The following KCNH8 variants were observed in gnomAD, a reference collection of about 807,000 sequenced individuals.
The protein encoded by KCNH8 is potassium voltage-gated channel subfamily H member 8.
Under a neutral mutation model 103.6 loss-of-function variants are expected in KCNH8, and 70 were observed. The observed-to-expected ratio is 0.68, with a 90% CI of 0.56 to 0.82. The LOEUF (loss-of-function observed/expected upper bound fraction) is 0.82, where lower values mean the gene tolerates loss of function less well. KCNH8 is among the 40% of genes least tolerant of loss of function. The probability of loss-of-function intolerance (pLI) is 0.00; values close to 1 mark genes in which losing one functional copy is unlikely to be tolerated. For synonymous variants in KCNH8, 498 were observed against 489.4 expected, an observed-to-expected ratio of 1.02 and a Z score of -0.23; for missense variants, 1,217 against 1,329.9, an observed-to-expected ratio of 0.92 and a Z score of 1.32.
At chr3:19,307,604 G>A (rs759635564) in intron 3 of KCNH8, among the ~76,000 whole-genome samples, 22 of 152,008 alleles carry the variant, frequency 1.4e-4, no homozygotes, top group African/African-American at 3.6e-4. Flanking sequence ...GTTTATTGCC[G>A]TAGTATTCAT....
rs6794674 is a variant in KCNH8, at chr3:19,489,939, G to A, written c.2041-20424G>A. On this transcript the variant is annotated intron_variant, in intron 11 of 15. Coordinates refer to ENST00000328405, the MANE Select transcript of KCNH8 (RefSeq NM_144633.3). Reference sequence around the variant, plus strand: ...GCCATGCTTCCACTCAAATGGAGTGGGCAAGTTCCAAAGACCAGTCTTACC... The same window carrying A: ...GCCATGCTTCCACTCAAATGGAGTGAGCAAGTTCCAAAGACCAGTCTTACC... Among the ~76,000 whole-genome samples, 279 of 152,300 alleles carry A rather than the reference G, an allele frequency of 1.8e-3. 1 individual carries two copies. The highest frequency in any genetic ancestry group is 6.5e-3 in the African/African-American group (271 of 41,570).
rs141877942 is a variant in KCNH8, at chr3:19,410,235, G to C, written c.1177+14924G>C. On this transcript the variant is annotated intron_variant, in intron 7 of 15. Coordinates refer to ENST00000328405, the MANE Select transcript of KCNH8 (RefSeq NM_144633.3). ...GGAATACAATAGAAATCAATACAAGGAGGCCTCTCAAAAACCACACAATTA... is the reference window on the plus strand; with the variant it reads ...GGAATACAATAGAAATCAATACAAGCAGGCCTCTCAAAAACCACACAATTA... Among the ~76,000 whole-genome samples, 36 of 152,014 alleles carry C rather than the reference G, an allele frequency of 2.4e-4. 1 individual carries two copies. The East Asian group carries it at 6.2e-3, about 26-fold the overall frequency.
In KCNH8 at chr3:19,247,350, A is replaced by G. The variant is rs546450790; in HGVS notation, c.77-6304A>G. 8.0e-4 allele frequency among the ~76,000 whole-genome samples: 122 copies of G among 152,340 alleles called. 1 individual carries two copies. Among genetic ancestry groups the G allele is most frequent in the African/African-American group, 2.7e-3 (114 of 41,580 alleles). On this transcript the variant is annotated intron_variant, in intron 1 of 15. Coordinates refer to ENST00000328405, the MANE Select transcript of KCNH8 (RefSeq NM_144633.3). ...CAGTTAAGCTCCCTGAAATCAATAT[A>G]AAGTGCAAAGATCATTTAAATATTT...
chr3:19,187,411 A>G (rs1464077562), intron 1 of KCNH8, among the ~76,000 whole-genome samples: 3 of 152,062 alleles, frequency 2.0e-5, no homozygotes, highest in Non-Finnish European at 4.4e-5. Context: ...AACGGAGCCT[A>G]TGCTAAAACA....
chr3:19,473,265 TTTTC>T (rs1335514549), intron 11 of KCNH8, among the ~76,000 whole-genome samples: 5 of 152,230 alleles, frequency 3.3e-5, no homozygotes, highest in Admixed American at 6.5e-5. Flanking sequence ...TTCAGTTTAA[TTTTC>T]TTTAACTTAA....
chr3:19,260,189 A>G (rs1271211739), intron 2 of KCNH8, among the ~76,000 whole-genome samples: 1 of 151,654 alleles, frequency 6.6e-6, no homozygotes, highest in African/African-American at 2.4e-5. Flanking sequence ...TAATATGTAC[A>G]TATTCAAATG....
chr3:19,299,843 G>C (rs1043399248), intron 3 of KCNH8, among the ~76,000 whole-genome samples: 1 of 151,766 alleles, frequency 6.6e-6, no homozygotes, highest in Non-Finnish European at 1.5e-5. Flanking sequence ...ATTTTAATAT[G>C]TATTAGAAAA....
chr3:19,160,065 G>T (rs942175025), intron 1 of KCNH8, among the ~76,000 whole-genome samples: 1 of 152,048 alleles, frequency 6.6e-6, no homozygotes, highest in Non-Finnish European at 1.5e-5. Flanking sequence ...ATGATGCATA[G>T]ATAACTGGGA....
At chr3:19,508,837 A>G (rs1280767814) in intron 11 of KCNH8, among the ~76,000 whole-genome samples, 2 of 152,202 alleles carry the variant, frequency 1.3e-5, no homozygotes, top group Non-Finnish European at 2.9e-5. Context: ...GGATTCAGCA[A>G]CTTGACAGAA....
intron 2 of KCNH8, among the ~76,000 whole-genome samples, chr3:19,277,164 T>A (rs891782835): frequency 2.0e-5 from 3 of 152,090 alleles, no homozygotes. Flanking sequence ...CTTATGAAGA[T>A]AGAGGGTAGA....
intron 15 of KCNH8, among the ~76,000 whole-genome samples, chr3:19,519,268 A>G (rs111534196): frequency 2.6e-5 from 4 of 152,056 alleles, no homozygotes; most frequent in African/African-American, 9.6e-5. Context: ...CTTTTCTAGG[A>G]GTAAAGTCTT....
chr3:19,525,186 A>T (rs1214531210), intron 15 of KCNH8, among the ~76,000 whole-genome samples: 1 of 151,890 alleles, frequency 6.6e-6, no homozygotes, highest in Non-Finnish European at 1.5e-5. Flanking sequence ...ATATAACATA[A>T]ATATATATTA....
At chr3:19,353,113 C>G (rs2065827892) in intron 5 of KCNH8, among the ~76,000 whole-genome samples, 1 of 152,086 alleles carries the variant, frequency 6.6e-6, no homozygotes, top group Non-Finnish European at 1.5e-5. Flanking sequence ...CACCTGTACT[C>G]AAATAAACTA....
chr3:19,294,501 T>C (rs1169393448), intron 3 of KCNH8, among the ~76,000 whole-genome samples: 1 of 152,180 alleles, frequency 6.6e-6, no homozygotes, highest in African/African-American at 2.4e-5. Flanking sequence ...GGAAATAGAT[T>C]TCTGCTTCAG....
intron 1 of KCNH8, among the ~76,000 whole-genome samples, chr3:19,213,302 T>C (rs1178203209): frequency 1.3e-5 from 2 of 152,186 alleles, no homozygotes; most frequent in African/African-American, 4.8e-5. Flanking sequence ...ACTTGTCCCC[T>C]TTTCCATCCA....
intron 5 of KCNH8, among the ~76,000 whole-genome samples, chr3:19,384,543 G>T (rs2066330933): frequency 6.6e-6 from 1 of 151,952 alleles, no homozygotes; most frequent in African/African-American, 2.4e-5. Context: ...GTAATAAAAG[G>T]GTTTTTTTAA....
chr3:19,518,564 A>G (rs999611715), intron 15 of KCNH8, among the ~76,000 whole-genome samples: 2 of 151,982 alleles, frequency 1.3e-5, no homozygotes, highest in South Asian at 2.1e-4. Context: ...AAATCTTACT[A>G]TCTATTCATT....
intron 9 of KCNH8, 80 bp downstream of exon 9, chr3:19,450,385 C>A: frequency 8.9e-7 from 1 of 1,122,748 alleles, no homozygotes; most frequent in Non-Finnish European, 1.4e-6. Context: ...ATGCAGGTAT[C>A]AGAAGTGAAA....
chr3:19,496,268 G>A (rs1357423166), intron 11 of KCNH8, among the ~76,000 whole-genome samples: 1 of 152,106 alleles, frequency 6.6e-6, no homozygotes, highest in African/African-American at 2.4e-5. Context: ...TCCCTGTCTT[G>A]CTCTGGTTTT....
Sources: allele counts gnomAD v4.1 joint callset (sites outside exome capture counted in the v4.1 genomes callset), GRCh38; gene constraint gnomAD v4.1.1; transcripts MANE v1.5; gene names NCBI Gene and HGNC (gene_info 2026-07-23, HGNC 2026-07-21).